Variants in NBAS observed in about 807,000 individuals in gnomAD.
NBAS encodes NAG/BC035112 fusion.
Under a neutral mutation model 302.5 loss-of-function variants are expected in NBAS, and 219 were observed. The ratio of observed to expected loss-of-function variants is 0.72; its 90% CI spans 0.65 to 0.81. The LOEUF (loss-of-function observed/expected upper bound fraction) is 0.81. Ranked by LOEUF, NBAS falls within the 30% of genes least tolerant of loss-of-function variation. The pLI is 0.00. For missense variants in NBAS, 2,932 were observed against 2,841.6 expected (o/e 1.03, Z -0.72); for synonymous variants, 1,118 against 1,021.6 (o/e 1.09, Z -1.80).
chr2:15,170,471 C>T (rs925897176), intron 51 of NBAS, among the ~76,000 whole-genome samples: 3 of 152,188 alleles, frequency 2.0e-5, no homozygotes, highest in Non-Finnish European at 4.4e-5. Context: ...CTCAGAGGTT[C>T]CCTAAAGAAC....
chr2:14,811,183 G>T, the NBAS span, among the ~76,000 whole-genome samples: 36 of 152,272 alleles, frequency 2.4e-4, no homozygotes, highest in African/African-American at 7.9e-4. Flanking sequence ...CAAGGTGGGA[G>T]GATCACTTGA....
intron 16 of NBAS, among the ~76,000 whole-genome samples, chr2:15,470,270 C>A (rs1679901959): frequency 6.6e-6 from 1 of 152,202 alleles, no homozygotes; most frequent in African/African-American, 2.4e-5. Context: ...CCAATTCTCT[C>A]TACACCATCT....
the NBAS span, among the ~76,000 whole-genome samples, chr2:15,101,978 T>C: frequency 6.6e-6 from 1 of 152,206 alleles, no homozygotes; most frequent in South Asian, 2.1e-4. Context: ...CTCATGCTCT[T>C]ACAAGGTGAA....
the NBAS span, among the ~76,000 whole-genome samples, chr2:15,121,259 T>C: frequency 6.6e-6 from 1 of 152,216 alleles, no homozygotes; most frequent in Non-Finnish European, 1.5e-5. Context: ...TCTCAGTACA[T>C]TGTAGTCAAA....
intron 44 of NBAS, among the ~76,000 whole-genome samples, chr2:15,242,908 T>TA (rs1667928666): frequency 6.6e-6 from 1 of 151,972 alleles, no homozygotes; most frequent in African/African-American, 2.4e-5. Flanking sequence ...CCAAGACCTG[T>TA]AAAAAATGAG....
chr2:14,872,832 C>T, the NBAS span, among the ~76,000 whole-genome samples: 6 of 151,878 alleles, frequency 4.0e-5, no homozygotes, highest in Admixed American at 6.6e-5. Context: ...TGCAGACCTT[C>T]GTGGTGAGCG....
intron 51 of NBAS, among the ~76,000 whole-genome samples, chr2:15,177,496 G>A (rs149295330): frequency 1.4e-3 from 206 of 152,222 alleles, no homozygotes; most frequent in African/African-American, 4.9e-3. Context: ...TCTGCCCATG[G>A]AATCCAGGAC....
chr2:15,499,292 A>G (rs1681191811), intron 11 of NBAS, among the ~76,000 whole-genome samples: 1 of 152,218 alleles, frequency 6.6e-6, no homozygotes, highest in South Asian at 2.1e-4. Context: ...TCGTTCTGTC[A>G]TAAAGACACA....
chr2:15,558,690 G>A (rs989982284), intron 1 of NBAS, 56 bp from the exon 2 acceptor site: 3 of 1,267,854 alleles, frequency 2.4e-6, no homozygotes, highest in Non-Finnish European at 3.4e-6. Flanking sequence ...TATTAGACCA[G>A]TATTACTTAT....
intron 44 of NBAS, among the ~76,000 whole-genome samples, chr2:15,272,805 C>T (rs908715008): frequency 3.3e-5 from 5 of 152,160 alleles, no homozygotes; most frequent in African/African-American, 9.7e-5. Context: ...ACAAAATACA[C>T]ATATGTGCAC....
intron 38 of NBAS, among the ~76,000 whole-genome samples, chr2:15,319,981 T>C (rs1671719022): frequency 6.6e-6 from 1 of 152,036 alleles, no homozygotes; most frequent in African/African-American, 2.4e-5. Context: ...TGATGAACAT[T>C]GATGCGAAAG....
At chr2:14,831,803 C>G in the NBAS span, among the ~76,000 whole-genome samples, 19 of 152,166 alleles carry the variant, frequency 1.2e-4, no homozygotes, top group African/African-American at 4.6e-4. Context: ...ATGCTTATAT[C>G]GTAGGGCTTA....
chr2:15,297,060 C>T (rs1204246271), intron 40 of NBAS, among the ~76,000 whole-genome samples: 1 of 152,176 alleles, frequency 6.6e-6, no homozygotes. Flanking sequence ...GTATTTCAGT[C>T]TTCAGGATGG....
chr2:15,511,205 T>C lies in NBAS; in HGVS notation c.885+7A>G. 6.2e-7 allele frequency: 1 copy of C among 1,614,038 alleles called. No homozygotes were observed. ...TAGCAAAGTGAAGTGCCATAACTCATACTTACTGCAGTAACCCCGTCTCCA... is the reference window on the plus strand; with the variant it reads ...TAGCAAAGTGAAGTGCCATAACTCACACTTACTGCAGTAACCCCGTCTCCA... On this transcript the variant is annotated splice_region_variant and intron_variant, in intron 10 of 51. Transcript: ENST00000281513.
intron 46 of NBAS, 78 bp downstream of exon 46, chr2:15,234,467 C>T: frequency 6.9e-7 from 1 of 1,440,114 alleles, no homozygotes; most frequent in Non-Finnish European, 9.7e-7. Flanking sequence ...AATGCTTTTA[C>T]ATACAGGATG....
At chr2:14,808,325 T>C in the NBAS span, among the ~76,000 whole-genome samples, 9 of 152,226 alleles carry the variant, frequency 5.9e-5, no homozygotes, top group Non-Finnish European at 1.2e-4. Flanking sequence ...GTGAATATCA[T>C]TCTGAGAGAC....
chr2:15,532,465 G>A (rs1304058008), intron 9 of NBAS, among the ~76,000 whole-genome samples: 1 of 148,106 alleles, frequency 6.8e-6, no homozygotes, highest in Non-Finnish European at 1.5e-5. Flanking sequence ...CTCCAGCCTG[G>A]GCGGCAGAGT....
the NBAS span, among the ~76,000 whole-genome samples, chr2:14,876,491 C>T: frequency 2.6e-5 from 4 of 152,146 alleles, no homozygotes; most frequent in Non-Finnish European, 5.9e-5. Flanking sequence ...ATTTTCTTTT[C>T]CCAAGAGTAT....
intron 19 of NBAS, 47 bp downstream of exon 19, chr2:15,467,282 T>C: frequency 5.3e-6 from 7 of 1,316,888 alleles, no homozygotes; most frequent in Non-Finnish European, 7.7e-6. Flanking sequence ...GCATTTATAA[T>C]GACAGATCAA....
Sources: gnomAD v4.1 joint callset for allele counts (sites outside exome capture counted in the v4.1 genomes callset) on GRCh38, gnomAD v4.1.1 for gene constraint, MANE v1.5 for transcripts, NCBI Gene and HGNC (gene_info 2026-07-23, HGNC 2026-07-21) for gene names.